The following RRM2 variants were observed in gnomAD, a reference collection of about 807,000 sequenced individuals.
RRM2 encodes ribonucleotide reductase regulatory subunit M2, also known as ribonucleoside-diphosphate reductase subunit M2.
RRM2 carries 6 observed loss-of-function variants against 45.9 expected under a neutral mutation model. The observed-to-expected ratio is 0.13, with a 90% CI of 0.07 to 0.26. The LOEUF (loss-of-function observed/expected upper bound fraction) is 0.26. Among genes scored for constraint, RRM2 ranks in the 10% least tolerant of loss-of-function variants. The probability of loss-of-function intolerance (pLI) is 1.00; values close to 1 mark genes in which losing one functional copy is unlikely to be tolerated. For synonymous variants in RRM2, 177 were observed against 173.0 expected, an observed-to-expected ratio of 1.02 and a Z score of -0.18; for missense variants, 343 against 489.5, an observed-to-expected ratio of 0.70 and a Z score of 2.82.
chr2:10,181,594 G>A (rs1403067415), intron 3 of RRM2, among the ~76,000 whole-genome samples: 1 of 152,088 alleles, frequency 6.6e-6, no homozygotes, highest in Non-Finnish European at 1.5e-5. Flanking sequence ...TTTCAGGCTA[G>A]AAATTTCCCT....
Position 10,171,556 on chromosome 2 carries a change from G to C in RRM2, n.482+29181G>C, listed in dbSNP as rs1663806234. Among the ~76,000 whole-genome samples, 1 of 152,198 alleles carries C rather than the reference G, an allele frequency of 6.6e-6. No homozygotes were observed. Among genetic ancestry groups the C allele is most frequent in the Non-Finnish European group, 1.5e-5 (1 of 68,026 alleles). On this transcript the variant is annotated intron_variant and non_coding_transcript_variant, in intron 3 of 3. Transcript: ENST00000381786. The surrounding 1 kb of genome is among the most constrained non-coding windows in gnomAD (Gnocchi z 4.1). ...AGGTGGTGTCCCCCGGTCAGTGCCA[G>C]AGTCTCCCTAATGTGGCCTGTGAGA...
rs1052702165 is a variant in RRM2, at chr2:10,171,479, A to G, written n.482+29104A>G. On this transcript the variant is annotated intron_variant and non_coding_transcript_variant, in intron 3 of 3. Coordinates refer to the RRM2 transcript ENST00000381786. This position sits in a 1 kb window ranked among gnomAD's most constrained non-coding sequence, Gnocchi z 4.1. ...CATGTCAGCTGGTGACATTTCTGCA[A>G]TTGTTCCTAAAGAGGGGCCTGTGGG... 1.3e-5 allele frequency among the ~76,000 whole-genome samples: 2 copies of G among 152,124 alleles called. No homozygotes were observed. Among genetic ancestry groups the G allele is most frequent in the African/African-American group, 2.4e-5 (1 of 41,426 alleles).
chr2:10,177,710 T>TTCCTCCCTCCCTCC (rs1553326755), intron 3 of RRM2, among the ~76,000 whole-genome samples: 8 of 116,586 alleles, frequency 6.9e-5, no homozygotes, highest in African/African-American at 2.6e-4. Context: ...TTCCTTCCTC[T>TTCCTCCCTCCCTCC]CTCCCTCCCT....
rs1202345480 is a variant in RRM2 at position 10,131,376 on chromosome 2, C to A, written c.*1990C>A. The A allele has an allele frequency of 1.3e-5, 2 of 152,188 alleles. No homozygotes were observed. Among genetic ancestry groups the A allele is most frequent in the African/African-American group, 2.4e-5 (1 of 41,438 alleles). 9.4% of individuals were successfully genotyped at this position (152,188 alleles called of 1,614,324 possible). On this transcript the variant is annotated 3_prime_UTR_variant, in exon 10 of 10. Coordinates refer to ENST00000304567, the MANE Select transcript of RRM2 (RefSeq NM_001034.4). ...TTCAGTCTCAAAATTGAATAATGCA[C>A]AAGTCTTAAGTGATTAAAATAAAAC...
At chr2:10,150,600 A>G (rs866506863) in intron 3 of RRM2, among the ~76,000 whole-genome samples, 1 of 151,590 alleles carries the variant, frequency 6.6e-6, no homozygotes, top group East Asian at 1.9e-4. Flanking sequence ...ACATATGTAT[A>G]CACCCATGCA....
intron 3 of RRM2, among the ~76,000 whole-genome samples, chr2:10,183,485 C>T (rs1236831775): frequency 6.6e-6 from 1 of 152,248 alleles, no homozygotes; most frequent in Non-Finnish European, 1.5e-5. Flanking sequence ...CCTGCCCCTC[C>T]ATGGCAAGGT....
chr2:10,210,717 G>GCTCCACCCT, exon 4 of RRM2: 2 of 859,316 alleles, frequency 2.3e-6, no homozygotes, highest in Non-Finnish European at 3.3e-6. Context: ...GAGCCCACAG[G>GCTCCACCCT]GTGGAGCACT....
chr2:10,209,695 A>G (rs1052712322), intron 3 of RRM2, among the ~76,000 whole-genome samples: 2 of 152,000 alleles, frequency 1.3e-5, no homozygotes, highest in Admixed American at 1.3e-4. Flanking sequence ...ATTAGATGCC[A>G]CTCAGTGGGA....
rs896819694 is a variant in RRM2 at position 10,151,945 on chromosome 2, T to A, written n.482+9570T>A. On this transcript the variant is annotated intron_variant and non_coding_transcript_variant, in intron 3 of 3. Transcript: ENST00000381786. Reference sequence around the variant, plus strand: ...AAATCCTTTGCCCATTTATTTTTTATTTTTTATTTTATTTTTTTTTTGAGG... The same window carrying A: ...AAATCCTTTGCCCATTTATTTTTTAATTTTTATTTTATTTTTTTTTTGAGG... Among the ~76,000 whole-genome samples, 14 of 91,372 alleles carry A rather than the reference T, an allele frequency of 1.5e-4. No homozygotes were observed. In the Admixed American group the frequency reaches 1.9e-3, roughly 13 times the overall value. 59.9% of individuals were successfully genotyped at this position (91,372 alleles called of 152,430 possible).
At chr2:10,208,477 C>A (rs1222365122) in intron 3 of RRM2, among the ~76,000 whole-genome samples, 1 of 152,176 alleles carries the variant, frequency 6.6e-6, no homozygotes, top group Admixed American at 6.5e-5. Context: ...AAAGAATATG[C>A]TTCCTATACA....
intron 3 of RRM2, among the ~76,000 whole-genome samples, chr2:10,183,917 G>A (rs1234594924): frequency 4.6e-5 from 7 of 151,648 alleles, no homozygotes; most frequent in East Asian, 3.9e-4. Flanking sequence ...GTGAAACCCT[G>A]TCTCTACTAA....
chr2:10,158,241 G>A (rs541745629), intron 3 of RRM2, among the ~76,000 whole-genome samples: 8 of 152,260 alleles, frequency 5.3e-5, no homozygotes, highest in African/African-American at 1.7e-4. Flanking sequence ...GTAGAGCTCC[G>A]CAGATTGTTG....
exon 4 of RRM2, chr2:10,210,560 G>T (rs780544546): frequency 1.5e-6 from 2 of 1,366,540 alleles, no homozygotes; most frequent in Middle Eastern, 2.2e-4. Flanking sequence ...TGCGGAGCAG[G>T]TGGACCCACC....
intron 3 of RRM2, among the ~76,000 whole-genome samples, chr2:10,202,741 T>TG (rs978953297): frequency 6.6e-6 from 1 of 152,270 alleles, no homozygotes; most frequent in Admixed American, 6.5e-5. Context: ...CTGCTGTTTT[T>TG]GGGGTGGATT....
At chr2:10,210,356 G>A (rs748773945) in exon 4 of RRM2, 1 of 1,367,740 alleles carries the variant, frequency 7.3e-7, no homozygotes. Context: ...GTCTGGAGAA[G>A]CCCAGCCCTC....
chr2:10,142,272 A>T, exon 3 of RRM2: 2 of 1,444,738 alleles, frequency 1.4e-6, no homozygotes, highest in Non-Finnish European at 1.9e-6. Flanking sequence ...GAAGCTCGGG[A>T]AGGTCTGACC....
At chr2:10,175,634 G>T (rs1004270891) in intron 3 of RRM2, among the ~76,000 whole-genome samples, 3 of 152,134 alleles carry the variant, frequency 2.0e-5, no homozygotes, top group Non-Finnish European at 2.9e-5. Flanking sequence ...GTCTCGCTAT[G>T]TACCCCAGGC....
chr2:10,140,232 G>A (rs1284793487), upstream of RRM2, among the ~76,000 whole-genome samples: 1 of 152,094 alleles, frequency 6.6e-6, no homozygotes, highest in Non-Finnish European at 1.5e-5. Context: ...GGGCGACAGA[G>A]CAAGACTCTG....
At position 10,127,348 on chromosome 2, in the gene RRM2, T is replaced by C. The variant is rs531048106; in HGVS notation, c.798+128T>C. 3.5e-6 allele frequency: 3 copies of C among 866,030 alleles called. No homozygotes were observed. Among genetic ancestry groups the C allele is most frequent in the South Asian group, 3.5e-5 (2 of 57,206 alleles). The allele number at this position is 866,030 out of a possible 1,614,324, so 53.6% of individuals were successfully genotyped here. A position where few individuals can be genotyped will look rare whatever the true frequency, so the allele number is the denominator to read the frequency against. On this transcript the variant is annotated intron_variant, in intron 7 of 9. Transcript: ENST00000304567. The surrounding 1 kb of genome is among the most constrained non-coding windows in gnomAD (Gnocchi z 4.1). Reference sequence around the variant, plus strand: ...CACATTTAATGTGTGAGTTCAACCATACACATACTTGACAAAAGAAGGAAA... The same window carrying C: ...CACATTTAATGTGTGAGTTCAACCACACACATACTTGACAAAAGAAGGAAA...
Sources: allele counts gnomAD v4.1 joint callset (sites outside exome capture counted in the v4.1 genomes callset), GRCh38; gene constraint gnomAD v4.1.1; non-coding constraint Gnocchi (gnomAD v3.1); transcripts MANE v1.5; gene names NCBI Gene and HGNC (gene_info 2026-07-23, HGNC 2026-07-21).